Variants in PCDH11X observed in about 807,000 individuals in gnomAD.
The protein encoded by PCDH11X is protocadherin 11 X-linked.
In PCDH11X, 18 loss-of-function variants were observed where a neutral mutation model predicts 53.3. That is an observed-to-expected ratio of 0.34 (90% CI 0.23 to 0.50). The LOEUF (loss-of-function observed/expected upper bound fraction) is 0.50. Ranked by LOEUF, PCDH11X falls within the 20% of genes least tolerant of loss-of-function variation. PCDH11X has a pLI of 0.98. For synonymous variants in PCDH11X, 279 were observed against 393.3 expected, an observed-to-expected ratio of 0.71 and a Z score of 3.44; for missense variants, 570 against 1,032.4, an observed-to-expected ratio of 0.55 and a Z score of 6.14.
At chrX:92,495,433 G>A (rs1262552984) in intron 10 of PCDH11X, among the ~76,000 whole-genome samples, 1 of 108,304 alleles carries the variant, frequency 9.2e-6, no homozygotes, top group Admixed American at 1.0e-4. Context: ...TCCTCCTTGA[G>A]GTAGAATTGA....
intron 6 of PCDH11X, among the ~76,000 whole-genome samples, chrX:92,164,736 C>A (rs1391937268): frequency 1.8e-5 from 2 of 109,017 alleles, no homozygotes; most frequent in East Asian, 5.8e-4. Context: ...ATACCCAAAT[C>A]TCATCTTGAA....
At chrX:91,876,417 T>TA (rs745495116) in intron 5 of PCDH11X, among the ~76,000 whole-genome samples, 20 of 111,559 alleles carry the variant, frequency 1.8e-4, no homozygotes, top group Admixed American at 9.5e-4. Context: ...TCACATAATT[T>TA]AAAAAAACTT....
chrX:92,604,354 G>A (rs1315339912), intron 10 of PCDH11X, among the ~76,000 whole-genome samples: 1 of 109,594 alleles, frequency 9.1e-6, no homozygotes, highest in African/African-American at 3.3e-5. Flanking sequence ...TATGTCCCAT[G>A]GAATTAACTT....
intron 10 of PCDH11X, among the ~76,000 whole-genome samples, chrX:92,481,738 G>A (rs1190239850): frequency 1.8e-5 from 2 of 111,598 alleles, no homozygotes; most frequent in Non-Finnish European, 3.8e-5. Flanking sequence ...TGCTACAGAC[G>A]CTCCCGCACC....
rs973295167 is a variant in PCDH11X at position 91,876,736 on chromosome X, T to C, written c.541-45T>C. ...ATTCATATTAATATTAATATATTAA[T>C]TTATATTAACATAAGTTAATTCTGT... On this transcript the variant is annotated intron_variant, in intron 5 of 10. Transcript: ENST00000682573. 23 of 1,018,906 alleles carry C rather than the reference T, an allele frequency of 2.3e-5. No homozygotes were observed. The Admixed American group carries it at 6.1e-4, about 27-fold the overall frequency. The allele number at this position is 1,018,906 out of a possible 1,213,427, so 84.0% of individuals were successfully genotyped here. A position where few individuals can be genotyped will look rare whatever the true frequency, so the allele number is the denominator to read the frequency against.
intron 6 of PCDH11X, among the ~76,000 whole-genome samples, chrX:92,147,188 G>A (rs1447934624): frequency 9.2e-6 from 1 of 108,290 alleles, no homozygotes; most frequent in Admixed American, 9.8e-5. Context: ...TCTTCAAACC[G>A]TTAGCAGAAA....
At chrX:92,203,521 G>A (rs1569419881) in intron 7 of PCDH11X, among the ~76,000 whole-genome samples, 1 of 112,364 alleles carries the variant, frequency 8.9e-6, no homozygotes, top group Non-Finnish European at 1.9e-5. Context: ...GTTTTGCCAC[G>A]TTTGAAACTA....
chrX:92,019,668 A>G (rs1465410696), intron 6 of PCDH11X, among the ~76,000 whole-genome samples: 1 of 112,111 alleles, frequency 8.9e-6, no homozygotes, highest in East Asian at 2.8e-4. Flanking sequence ...ATGAGAAAAA[A>G]GATACAACAT....
At chrX:92,159,080 A>T (rs1251596336) in intron 6 of PCDH11X, among the ~76,000 whole-genome samples, 1 of 112,449 alleles carries the variant, frequency 8.9e-6, no homozygotes, top group Non-Finnish European at 1.9e-5. Context: ...CTACTATCAA[A>T]TTGGCATGCT....
intron 8 of PCDH11X, among the ~76,000 whole-genome samples, chrX:92,323,244 G>A (rs1320594409): frequency 5.4e-5 from 6 of 111,194 alleles, no homozygotes; most frequent in Admixed American, 2.9e-4. Context: ...TCAATTAAAA[G>A]TATGATATAT....
chrX:92,476,901 T>C lies in PCDH11X; in HGVS notation c.3367+8579T>C, dbSNP rs1444359431. 1.1e-4 allele frequency among the ~76,000 whole-genome samples: 4 copies of C among 37,005 alleles called. 2 individuals carry two copies. Among genetic ancestry groups the C allele is most frequent in the Non-Finnish European group, 1.6e-4 (4 of 25,322 alleles). The allele number at this position is 37,005 out of a possible 115,157, so 32.1% of individuals were successfully genotyped here. A position where few individuals can be genotyped will look rare whatever the true frequency, so the allele number is the denominator to read the frequency against. On this transcript the variant is annotated intron_variant, in intron 10 of 10. Transcript: ENST00000682573. ...CTGTAGATTATCAGGCAAAAACTCT[T>C]GTTCTCTTTTCTTACTTTCTTCCAA...
chrX:92,143,270 AC>A (rs1255568509), intron 6 of PCDH11X, among the ~76,000 whole-genome samples: 1 of 111,935 alleles, frequency 8.9e-6, no homozygotes, highest in Non-Finnish European at 1.9e-5. Context: ...ACAGAATGAG[AC>A]CCTGTCCTAA....
chrX:92,022,059 A>C lies in PCDH11X; in HGVS notation c.3033+142786A>C, dbSNP rs2525411. Among the ~76,000 whole-genome samples the C allele has an allele frequency of 1.4e-3, 148 of 102,728 alleles. 3 individuals are homozygous for C. The highest frequency in any genetic ancestry group is 0.01 in the Middle Eastern group (2 of 200). 89.2% of individuals were successfully genotyped at this position (102,728 alleles called of 115,157 possible). A position where few individuals can be genotyped will look rare whatever the true frequency, so the allele number is the denominator to read the frequency against. ...AAGGAAAAATCAGTACCAGCCACTG[A>C]AAAAACAAACCAAAATATAAAGACC... On this transcript the variant is annotated intron_variant, in intron 6 of 10. Transcript: ENST00000682573.
chrX:92,556,132 T>G (rs2075042310), intron 10 of PCDH11X, among the ~76,000 whole-genome samples: 1 of 111,636 alleles, frequency 9.0e-6, no homozygotes, highest in African/African-American at 3.3e-5. Flanking sequence ...TCCCATGACA[T>G]GTAGGGATCA....
intron 8 of PCDH11X, among the ~76,000 whole-genome samples, chrX:92,327,209 T>C (rs778124350): frequency 6.2e-4 from 68 of 109,182 alleles, no homozygotes; most frequent in African/African-American, 2.2e-3. Flanking sequence ...TAAAAAACCT[T>C]GTGTTAATCA....
At chrX:92,103,475 G>A (rs189534572) in intron 6 of PCDH11X, among the ~76,000 whole-genome samples, 9 of 111,408 alleles carry the variant, frequency 8.1e-5, no homozygotes, top group Admixed American at 4.7e-4. Flanking sequence ...GATGGTCTAC[G>A]GGGCTTCTGA....
intron 7 of PCDH11X, among the ~76,000 whole-genome samples, chrX:92,261,102 C>T (rs771357985): frequency 1.0e-4 from 11 of 109,718 alleles, no homozygotes; most frequent in African/African-American, 1.7e-4. Flanking sequence ...ATAATCAAAT[C>T]GGGTATCAAT....
At chrX:91,918,654 T>A (rs1941650228) in intron 6 of PCDH11X, among the ~76,000 whole-genome samples, 1 of 110,241 alleles carries the variant, frequency 9.1e-6, no homozygotes, top group African/African-American at 3.3e-5. Context: ...CAAAAAAAAA[T>A]GTGTTTTTTT....
intron 1 of PCDH11X, among the ~76,000 whole-genome samples, chrX:91,782,240 T>G (rs1230476578): frequency 6.5e-5 from 7 of 107,363 alleles, no homozygotes; most frequent in Non-Finnish European, 1.2e-4. Flanking sequence ...GGGTGGCCAC[T>G]GCTGGCGGCC....
Sources: allele counts gnomAD v4.1 joint callset (sites outside exome capture counted in the v4.1 genomes callset), GRCh38; gene constraint gnomAD v4.1.1; transcripts MANE v1.5; gene names NCBI Gene and HGNC (gene_info 2026-07-23, HGNC 2026-07-21).